Variants in VGLL4 observed in about 807,000 individuals in gnomAD.
VGLL4 encodes vestigial like family member 4, also known as transcription cofactor vestigial-like protein 4.
In VGLL4, 7 loss-of-function variants were observed where a neutral mutation model predicts 21.0. The observed-to-expected ratio is 0.33, with a 90% CI of 0.19 to 0.63. The LOEUF (loss-of-function observed/expected upper bound fraction) is 0.63, where lower values mean the gene tolerates loss of function less well. Ranked by LOEUF, VGLL4 falls within the 20% of genes least tolerant of loss-of-function variation. The pLI is 0.78. For synonymous variants in VGLL4, 222 were observed against 173.2 expected, an observed-to-expected ratio of 1.28 and a Z score of -2.21; for missense variants, 394 against 425.7, an observed-to-expected ratio of 0.93 and a Z score of 0.66.
intron 3 of VGLL4, among the ~76,000 whole-genome samples, chr3:11,561,125 A>ACC (rs60878177): frequency 2.0e-5 from 3 of 147,090 alleles, no homozygotes; most frequent in African/African-American, 7.5e-5. Context: ...GCTCTAGGAG[A>ACC]CCCCCCCCCA....
chr3:11,711,492 G>A lies in VGLL4; in HGVS notation c.-13-8445C>T, dbSNP rs976037758. ...GGAGGCAGAAGAATGGCGTGAACCC[G>A]GGAGGCAGAGCTTGCAGTGAGCCGA... On this transcript the variant is annotated intron_variant, in intron 1 of 5. Transcript: ENST00000273038. Among the ~76,000 whole-genome samples, 16 of 151,794 alleles carry A rather than the reference G, an allele frequency of 1.1e-4. No individual in the cohort carries two copies. The South Asian group carries it at 2.1e-3, about 20-fold the overall frequency.
chr3:11,678,546 G>A (rs1243460946), intron 2 of VGLL4, among the ~76,000 whole-genome samples: 2 of 152,174 alleles, frequency 1.3e-5, no homozygotes, highest in Non-Finnish European at 2.9e-5. Flanking sequence ...TGTGACCTTA[G>A]CATTTCATCC....
intron 1 of VGLL4, among the ~76,000 whole-genome samples, chr3:11,718,281 CA>C (rs1158820557): frequency 6.6e-6 from 1 of 152,136 alleles, no homozygotes; most frequent in African/African-American, 2.4e-5. Flanking sequence ...AGAAAAAATT[CA>C]AAACTGTCTT....
chr3:11,605,995 T>G (rs910739118), intron 1 of VGLL4, among the ~76,000 whole-genome samples: 6 of 152,224 alleles, frequency 3.9e-5, no homozygotes, highest in African/African-American at 1.2e-4. Context: ...GTTCTCACGT[T>G]GCTGATAAAG....
At chr3:11,579,000 A>G (rs55737422) in intron 2 of VGLL4, among the ~76,000 whole-genome samples, 137,597 of 151,784 alleles carry the variant, frequency 0.91, 62,492 homozygotes, top group East Asian at 0.95. Context: ...CGCCCGCCTC[A>G]GCCTCCCAAA....
intron 2 of VGLL4, among the ~76,000 whole-genome samples, chr3:11,573,348 A>C (rs186888542): frequency 1.0e-5 from 1 of 97,298 alleles, no homozygotes; most frequent in African/African-American, 3.3e-5. Context: ...AGAAAGAAAG[A>C]AAGAAAGAAA....
At chr3:11,651,178 C>T (rs1403526047) in intron 2 of VGLL4, among the ~76,000 whole-genome samples, 3 of 151,748 alleles carry the variant, frequency 2.0e-5, no homozygotes, top group African/African-American at 7.3e-5. Context: ...ACCCATCTCT[C>T]CTAAATACAA....
chr3:11,572,718 G>C (rs911204421), intron 2 of VGLL4, among the ~76,000 whole-genome samples: 1 of 152,046 alleles, frequency 6.6e-6, no homozygotes, highest in Non-Finnish European at 1.5e-5. Context: ...CCCTCATGTT[G>C]GTCTTGGAGC....
intron 1 of VGLL4, among the ~76,000 whole-genome samples, chr3:11,623,089 G>C (rs1575464079): frequency 6.6e-6 from 1 of 152,114 alleles, no homozygotes; most frequent in Non-Finnish European, 1.5e-5. Flanking sequence ...TGACAGAGGA[G>C]AAAGTGATGT....
chr3:11,590,381 G>A (rs1020123515), intron 2 of VGLL4, among the ~76,000 whole-genome samples: 1 of 152,190 alleles, frequency 6.6e-6, no homozygotes, highest in African/African-American at 2.4e-5. Context: ...AGTTTCTGGA[G>A]CTTGTTTCTA....
At chr3:11,636,823 A>G (rs959143589) in intron 1 of VGLL4, among the ~76,000 whole-genome samples, 4 of 152,214 alleles carry the variant, frequency 2.6e-5, no homozygotes, top group African/African-American at 9.7e-5. Context: ...GTTCTTCCCA[A>G]AGTATCACCA....
chr3:11,674,287 A>G (rs2076258953), intron 2 of VGLL4, among the ~76,000 whole-genome samples: 1 of 152,180 alleles, frequency 6.6e-6, no homozygotes, highest in African/African-American at 2.4e-5. Flanking sequence ...GACACAGCAC[A>G]TGGGAGAAAA....
chr3:11,624,183 C>G (rs1379102560), intron 1 of VGLL4, among the ~76,000 whole-genome samples: 2 of 152,180 alleles, frequency 1.3e-5, no homozygotes, highest in Non-Finnish European at 2.9e-5. Context: ...TGGCTCCAGT[C>G]CTAATAAAAA....
At chr3:11,696,385 C>T (rs564546980) in intron 2 of VGLL4, among the ~76,000 whole-genome samples, 6 of 152,216 alleles carry the variant, frequency 3.9e-5, no homozygotes, top group Non-Finnish European at 5.9e-5. Flanking sequence ...CCCTCCTGTG[C>T]TCTGGGGCAT....
chr3:11,571,067 G>C (rs931564097), intron 2 of VGLL4, among the ~76,000 whole-genome samples: 5 of 152,194 alleles, frequency 3.3e-5, no homozygotes, highest in Non-Finnish European at 7.3e-5. Context: ...CTGAGGCAGA[G>C]ACACCCTCCT....
At chr3:11,601,776 C>G (rs1462150867) in intron 2 of VGLL4, 57 bp downstream of exon 2, 16 of 1,579,814 alleles carry the variant, frequency 1.0e-5, no homozygotes, top group Non-Finnish European at 1.4e-5. Context: ...AGTTGCAAAA[C>G]AAATAAGGCC....
At chr3:11,571,431 C>T (rs568396364) in intron 2 of VGLL4, among the ~76,000 whole-genome samples, 2 of 152,336 alleles carry the variant, frequency 1.3e-5, no homozygotes, top group East Asian at 3.9e-4. Context: ...CGCCTGTAAT[C>T]CCAGCACTTT....
intron 1 of VGLL4, among the ~76,000 whole-genome samples, chr3:11,618,601 A>T (rs1168269789): frequency 6.6e-6 from 1 of 152,232 alleles, no homozygotes; most frequent in East Asian, 1.9e-4. Context: ...TTAATGGGAA[A>T]TCGTAAGATC....
At chr3:11,601,511 T>C (rs1245309019) in intron 2 of VGLL4, among the ~76,000 whole-genome samples, 1 of 152,088 alleles carries the variant, frequency 6.6e-6, no homozygotes, top group Non-Finnish European at 1.5e-5. Flanking sequence ...TCAATATGTA[T>C]GGGCAAAAAA....
Sources: gnomAD v4.1 joint callset for allele counts (sites outside exome capture counted in the v4.1 genomes callset) on GRCh38, gnomAD v4.1.1 for gene constraint, MANE v1.5 for transcripts, NCBI Gene and HGNC (gene_info 2026-07-23, HGNC 2026-07-21) for gene names.